Variants in TMEM117 observed in about 807,000 individuals in gnomAD.
TMEM117 encodes transmembrane protein 117.
A neutral mutation model predicts 52.4 loss-of-function variants in TMEM117; 27 were observed. The observed-to-expected ratio is 0.51, with a 90% CI of 0.38 to 0.71. The LOEUF (loss-of-function observed/expected upper bound fraction) is 0.71. Among genes scored for constraint, TMEM117 ranks in the 30% least tolerant of loss-of-function variants. TMEM117 has a pLI of 0.00. For missense variants in TMEM117, 556 were observed against 630.5 expected (o/e 0.88, Z 1.26); for synonymous variants, 215 against 206.3 (o/e 1.04, Z -0.36).
intron 2 of TMEM117, among the ~76,000 whole-genome samples, chr12:43,881,333 A>G (rs1345194331): frequency 6.6e-6 from 1 of 152,240 alleles, no homozygotes; most frequent in Non-Finnish European, 1.5e-5. Flanking sequence ...CCTTTGTGTC[A>G]GTAAGCATAA....
chr12:43,962,942 A>G (rs1945427172), intron 3 of TMEM117, among the ~76,000 whole-genome samples: 1 of 152,026 alleles, frequency 6.6e-6, no homozygotes, highest in Admixed American at 6.6e-5. Flanking sequence ...TTTAAAAAAA[A>G]AAAAAATTAG....
intron 7 of TMEM117, among the ~76,000 whole-genome samples, chr12:44,378,042 C>T (rs1214184277): frequency 6.6e-6 from 1 of 152,176 alleles, no homozygotes; most frequent in African/African-American, 2.4e-5. Flanking sequence ...TTAATCTCTG[C>T]AGCATGCTAC....
Position 43,919,678 on chromosome 12 carries a change from G to T in TMEM117, c.278-24532G>T, listed in dbSNP as rs571852878. On this transcript the variant is annotated intron_variant, in intron 2 of 7. Coordinates refer to ENST00000266534, the MANE Select transcript of TMEM117 (RefSeq NM_032256.3). The stretch of plus-strand genomic sequence containing the variant: ...TAAATATCCAGAAATTCAATAGCTA[G>T]GTCATATGGTATCTATTTTTAATTT... 4.6e-5 allele frequency among the ~76,000 whole-genome samples: 7 copies of T among 152,048 alleles called. 1 individual carries two copies. The highest frequency in any genetic ancestry group is 1.7e-4 in the African/African-American group (7 of 41,428).
chr12:43,883,461 T>C (rs1000084699), intron 2 of TMEM117, among the ~76,000 whole-genome samples: 3 of 152,180 alleles, frequency 2.0e-5, no homozygotes, highest in Admixed American at 2.0e-4. Context: ...TTCTCATAAT[T>C]TGGAATTACA....
chr12:43,805,752 G>C, the TMEM117 span: 359 of 1,321,816 alleles, frequency 2.7e-4, no homozygotes, highest in Non-Finnish European at 3.3e-4. Context: ...CTACTGATGT[G>C]AGAAAGATTC....
At chr12:44,320,651 A>G (rs960948444) in intron 6 of TMEM117, among the ~76,000 whole-genome samples, 1 of 152,232 alleles carries the variant, frequency 6.6e-6, no homozygotes, top group African/African-American at 2.4e-5. Flanking sequence ...GCATCTCCCC[A>G]GTGTGCGTGC....
intron 3 of TMEM117, among the ~76,000 whole-genome samples, chr12:44,137,235 C>T (rs1403291556): frequency 6.6e-6 from 1 of 151,846 alleles, no homozygotes; most frequent in Non-Finnish European, 1.5e-5. Flanking sequence ...ATTATGACAA[C>T]ACTAGGGAAG....
intron 3 of TMEM117, among the ~76,000 whole-genome samples, chr12:43,997,418 A>G (rs567407627): frequency 2.6e-5 from 4 of 152,080 alleles, no homozygotes; most frequent in South Asian, 2.1e-4. Context: ...CTTTTTTTCT[A>G]CTTGAATATC....
At chr12:43,938,906 G>A (rs1250146258) in intron 2 of TMEM117, among the ~76,000 whole-genome samples, 6 of 151,998 alleles carry the variant, frequency 3.9e-5, no homozygotes, top group South Asian at 2.1e-4. Flanking sequence ...AGGCTGAGGC[G>A]GGAGAATCAC....
At chr12:43,999,274 T>C (rs1397552516) in intron 3 of TMEM117, among the ~76,000 whole-genome samples, 1 of 152,220 alleles carries the variant, frequency 6.6e-6, no homozygotes, top group African/African-American at 2.4e-5. Context: ...TACTCCTGTT[T>C]GTGTGTCATG....
At chr12:44,018,980 G>A (rs1946415131) in intron 3 of TMEM117, among the ~76,000 whole-genome samples, 1 of 152,082 alleles carries the variant, frequency 6.6e-6, no homozygotes. Flanking sequence ...GGGATTACAG[G>A]CATGAGCCAC....
chr12:44,237,414 A>G (rs1165994700), intron 5 of TMEM117, among the ~76,000 whole-genome samples: 4 of 152,002 alleles, frequency 2.6e-5, no homozygotes, highest in African/African-American at 9.7e-5. Flanking sequence ...TTAGTCTGCA[A>G]GCTCCTTTAA....
At chr12:44,012,858 T>C (rs1946315696) in intron 3 of TMEM117, among the ~76,000 whole-genome samples, 1 of 152,196 alleles carries the variant, frequency 6.6e-6, no homozygotes, top group Non-Finnish European at 1.5e-5. Context: ...TGCTTTATAA[T>C]TGTTTTCCTT....
rs115100145 is a variant in TMEM117 at position 43,857,963 on chromosome 12, A to G, written c.277+13035A>G. 8.1e-3 allele frequency among the ~76,000 whole-genome samples: 1,229 copies of G among 152,336 alleles called. 16 individuals carry two copies. The highest frequency in any genetic ancestry group is 0.027 in the African/African-American group (1,125 of 41,584). On this transcript the variant is annotated intron_variant, in intron 2 of 7. Transcript: ENST00000266534. ...TATGTTGCCCTGCACGGTTCTGGAT[A>G]GAAGCACGGGTCAAAGAAACGCTGT...
At chr12:44,038,331 T>C (rs1365607559) in intron 3 of TMEM117, among the ~76,000 whole-genome samples, 1 of 152,144 alleles carries the variant, frequency 6.6e-6, no homozygotes, top group East Asian at 1.9e-4. Context: ...ATCTTCAAGC[T>C]TCTGGGTGCC....
At chr12:44,399,086 C>A in the TMEM117 span, among the ~76,000 whole-genome samples, 4 of 152,220 alleles carry the variant, frequency 2.6e-5, no homozygotes, top group South Asian at 8.3e-4. Context: ...TGTCTATTTA[C>A]AATAAACTTT....
At chr12:44,269,139 G>A (rs1387399156) in intron 5 of TMEM117, among the ~76,000 whole-genome samples, 2 of 151,520 alleles carry the variant, frequency 1.3e-5, no homozygotes, top group Non-Finnish European at 2.9e-5. Context: ...TTTCTCTATT[G>A]TCTGACATTC....
At chr12:44,241,835 C>A (rs1439167353) in intron 5 of TMEM117, among the ~76,000 whole-genome samples, 1 of 151,930 alleles carries the variant, frequency 6.6e-6, no homozygotes, top group Non-Finnish European at 1.5e-5. Flanking sequence ...TCTATAGATC[C>A]ATTTTTAAAA....
intron 3 of TMEM117, among the ~76,000 whole-genome samples, chr12:44,099,493 G>T (rs1947826926): frequency 6.6e-6 from 1 of 152,060 alleles, no homozygotes; most frequent in Non-Finnish European, 1.5e-5. Context: ...TTTAAAAATA[G>T]TGATATAGTA....
Sources: allele counts gnomAD v4.1 joint callset (sites outside exome capture counted in the v4.1 genomes callset), GRCh38; gene constraint gnomAD v4.1.1; transcripts MANE v1.5; gene names NCBI Gene and HGNC (gene_info 2026-07-23, HGNC 2026-07-21).